NEMF: variants seen among roughly 807,000 people sequenced by gnomAD.
NEMF encodes ribosome quality control complex subunit NEMF.
NEMF carries 89 observed loss-of-function variants against 162.2 expected under a neutral mutation model. The observed-to-expected ratio is 0.55, with a 90% CI of 0.46 to 0.65. NEMF has a LOEUF of 0.65. NEMF is among the 30% of genes least tolerant of loss of function. NEMF has a pLI of 0.00. For synonymous variants in NEMF, 421 were observed against 404.5 expected (o/e 1.04, Z -0.49); for missense variants, 1,133 against 1,261.9 (o/e 0.90, Z 1.55).
chr14:49,837,395 T>C (rs1467414301), intron 6 of NEMF, among the ~76,000 whole-genome samples: 2 of 152,144 alleles, frequency 1.3e-5, no homozygotes, highest in Non-Finnish European at 2.9e-5. Flanking sequence ...CTCACGTCTA[T>C]AATCCCAGCA....
In NEMF at chr14:49,828,609, G is replaced by T; in HGVS notation, c.1424+7C>A. 2.0e-6 allele frequency: 3 copies of T among 1,534,464 alleles called. No homozygotes were observed. Among genetic ancestry groups the T allele is most frequent in the South Asian group, 2.6e-5 (2 of 77,122 alleles). Reference sequence around the variant, plus strand: ...CTTGGCCTAAAATGTAAAGTTAAATGACTTACTTTTTGGCATTGGCATATG... The same window carrying T: ...CTTGGCCTAAAATGTAAAGTTAAATTACTTACTTTTTGGCATTGGCATATG... On this transcript the variant is annotated splice_region_variant and intron_variant, in intron 14 of 32. Transcript: ENST00000298310.
intron 28 of NEMF, among the ~76,000 whole-genome samples, chr14:49,788,196 T>C (rs1011176956): frequency 6.9e-6 from 1 of 145,112 alleles, no homozygotes; most frequent in African/African-American, 2.6e-5. Flanking sequence ...GGATAATTGC[T>C]TGAATCCGGG....
At chr14:49,806,501 C>T (rs1891224602) in intron 18 of NEMF, among the ~76,000 whole-genome samples, 1 of 150,918 alleles carries the variant, frequency 6.6e-6, no homozygotes, top group African/African-American at 2.4e-5. Flanking sequence ...ACCTCATGAT[C>T]CACCCACCTC....
intron 23 of NEMF, 108 bp downstream of exon 23, chr14:49,800,312 A>G (rs1890895641): frequency 2.4e-6 from 2 of 845,266 alleles, no homozygotes; most frequent in East Asian, 5.3e-5. Context: ...TATTAAGACA[A>G]TGGAGTGTAA....
intron 26 of NEMF, among the ~76,000 whole-genome samples, chr14:49,794,836 A>G (rs1890617348): frequency 6.6e-6 from 1 of 150,744 alleles, no homozygotes; most frequent in Admixed American, 6.6e-5. Flanking sequence ...CTTCTGCCTC[A>G]GCCTCTCGAG....
chr14:49,802,111 C>T (rs1274886927), intron 22 of NEMF, among the ~76,000 whole-genome samples: 2 of 151,766 alleles, frequency 1.3e-5, no homozygotes, highest in African/African-American at 4.8e-5. Context: ...GCGCTCACAA[C>T]GCCTGGGTGA....
At position 49,782,165 on chromosome 14, in the gene NEMF, C is replaced by T. The variant is rs1367635202; in HGVS notation, c.*2471G>A. 5 of 523,200 alleles carry T rather than the reference C, an allele frequency of 9.6e-6. No homozygotes were observed. Among genetic ancestry groups the T allele is most frequent in the South Asian group, 9.0e-5 (3 of 33,464 alleles). 32.4% of individuals were successfully genotyped at this position (523,200 alleles called of 1,614,324 possible). On this transcript the variant is annotated 3_prime_UTR_variant, in exon 33 of 33. Coordinates refer to ENST00000298310, the MANE Select transcript of NEMF (RefSeq NM_004713.6). ...TCCTCATTGCATAAATGAGAACGAC[C>T]AGAGAGAGAAAATAATATCCAGATA...
In NEMF at chr14:49,851,875, G is replaced by T; in HGVS notation, c.60C>A (p.Ser20Arg). The change falls in exon 2 of 33, where the codon AGC becomes AGA. Residue 20 changes from serine (S) to arginine (R), a missense_variant and splice_region_variant. Physicochemically the swap from Ser to Arg is moderately radical, Grantham distance 110. Coordinates refer to ENST00000298310, the MANE Select transcript of NEMF (RefSeq NM_004713.6). ...LRAVLAELNA[S>R]LLGMRVNNVY... ...CATTGTTTACTCTCATTCCTAGCAA[G>T]CTGCAAAGATAAAGGAAACATGTAA... 2 of 1,562,454 alleles carry T rather than the reference G, an allele frequency of 1.3e-6. No individual in the cohort carries two copies. Among genetic ancestry groups the T allele is most frequent in the Non-Finnish European group, 1.7e-6 (2 of 1,144,996 alleles).
chr14:49,832,137 T>C lies in NEMF; in HGVS notation c.807-11A>G, dbSNP rs377067632. On this transcript the variant is annotated splice_polypyrimidine_tract_variant and intron_variant, in intron 9 of 32. Coordinates refer to ENST00000298310, the MANE Select transcript of NEMF (RefSeq NM_004713.6). ...TGAAATTCCTCATACCTGTAAAACA[T>C]ATTTATTATATCACATTCGAGAACA... The C allele has an allele frequency of 3.1e-6, 5 of 1,599,432 alleles. No individual in the cohort carries two copies. The highest frequency in any genetic ancestry group is 1.1e-5 in the South Asian group (1 of 88,662).
chr14:49,851,550 G>C lies in NEMF; in HGVS notation c.231+13C>G. On this transcript the variant is annotated intron_variant, in intron 3 of 32. Transcript: ENST00000298310. ...AATCTCTTAAAATTTAGCTTCAAGCGTAACAAGTTTACCTTCATGGCAAAA... is the reference window on the plus strand; with the variant it reads ...AATCTCTTAAAATTTAGCTTCAAGCCTAACAAGTTTACCTTCATGGCAAAA... The C allele has an allele frequency of 6.3e-7, 1 of 1,575,820 alleles. No homozygotes were observed. The highest frequency in any genetic ancestry group is 8.7e-7 in the Non-Finnish European group (1 of 1,146,734).
chr14:49,802,823 G>A (rs1891018834), intron 20 of NEMF, 96 bp from the exon 21 acceptor site: 2 of 814,604 alleles, frequency 2.5e-6, no homozygotes, highest in Admixed American at 2.5e-5. Context: ...GACACTAATG[G>A]TCATATCCAT....
chr14:49,799,918 C>T (rs183482418), intron 23 of NEMF, among the ~76,000 whole-genome samples: 1 of 152,186 alleles, frequency 6.6e-6, no homozygotes, highest in Non-Finnish European at 1.5e-5. Context: ...ATGGTATACA[C>T]GCATGAAACC....
In NEMF at chr14:49,825,941, T is replaced by G; in HGVS notation, c.1503A>C (p.Ala501=). The G allele has an allele frequency of 6.2e-7, 1 of 1,609,748 alleles. No individual in the cohort carries two copies. The highest frequency in any genetic ancestry group is 1.3e-5 in the African/African-American group (1 of 74,938). The change falls in exon 16 of 33, where the codon GCA becomes GCC. Residue 501 remains alanine, a synonymous_variant. Coordinates refer to ENST00000298310, the MANE Select transcript of NEMF (RefSeq NM_004713.6). ...VEAAEKAFKS[A]EKKTKQTLKE... ...TTAATGTTTGCTTTGTTTTCTTTTC[T>G]GCTGACTTGAATGCCTATTTATAGA...
In NEMF at chr14:49,785,078, AC is replaced by A. The variant is rs1890103851; in HGVS notation, c.3073+13del. 2 of 1,607,286 alleles carry A rather than the reference AC, an allele frequency of 1.2e-6. No homozygotes were observed. Among genetic ancestry groups the A allele is most frequent in the Non-Finnish European group, 1.7e-6 (2 of 1,174,116 alleles). The stretch of plus-strand genomic sequence containing the variant: ...CTGTTTAAAATCATAATTCAAAAAA[AC>A]AAATTTAAATACCTTTTCCCTTTTT... On this transcript the variant is annotated intron_variant, in intron 31 of 32. Transcript: ENST00000298310.
chr14:49,840,998 AC>A, intron 4 of NEMF, 132 bp from the exon 5 acceptor site: 1 of 680,244 alleles, frequency 1.5e-6, no homozygotes, highest in Non-Finnish European at 2.4e-6. Context: ...GGACTTTGAG[AC>A]CAGCCTGGCC....
chr14:49,826,062 AT>A (rs1209273180), intron 15 of NEMF, 107 bp from the exon 16 acceptor site: 1 of 642,306 alleles, frequency 1.6e-6, no homozygotes, highest in African/African-American at 1.8e-5. Flanking sequence ...AAATGGCACA[AT>A]CTACACACAC....
In NEMF at chr14:49,784,503, T is replaced by C. The variant is rs1435891999; in HGVS notation, c.*133A>G. On this transcript the variant is annotated 3_prime_UTR_variant, in exon 33 of 33. Transcript: ENST00000298310. ...GGGAAAAAACAAGAAGTAAGTCCTTTTGGTGAATATAGCAAGGCAATGTTT... is the reference window on the plus strand; with the variant it reads ...GGGAAAAAACAAGAAGTAAGTCCTTCTGGTGAATATAGCAAGGCAATGTTT... The C allele has an allele frequency of 2.1e-5, 13 of 623,848 alleles. No homozygotes were observed. Among genetic ancestry groups the C allele is most frequent in the Non-Finnish European group, 3.3e-5 (12 of 358,340 alleles). 38.6% of individuals were successfully genotyped at this position (623,848 alleles called of 1,614,324 possible). A position where few individuals can be genotyped will look rare whatever the true frequency, so the allele number is the denominator to read the frequency against.
Position 49,840,873 on chromosome 14 carries a change from T to TA in NEMF, c.358-8dup, listed in dbSNP as rs569981269. On this transcript the variant is annotated splice_region_variant and splice_polypyrimidine_tract_variant and intron_variant, in intron 4 of 32. Coordinates refer to ENST00000298310, the MANE Select transcript of NEMF (RefSeq NM_004713.6). ...CTGTAAGAACAATGTTCCCCTGCAA[T>TA]AAAATAAAATACAATTTAGCGCTCT... The TA allele has an allele frequency of 2.5e-6, 4 of 1,604,630 alleles. No individual in the cohort carries two copies. In the South Asian group the frequency reaches 4.5e-5, roughly 18 times the overall value.
chr14:49,814,362 CA>C (rs1891624493), intron 17 of NEMF, among the ~76,000 whole-genome samples: 1 of 152,106 alleles, frequency 6.6e-6, no homozygotes, highest in South Asian at 2.1e-4. Context: ...CTCAGCCTCC[CA>C]AAGTGGCTGA....
Sources: gnomAD v4.1 joint callset for allele counts (sites outside exome capture counted in the v4.1 genomes callset) on GRCh38, gnomAD v4.1.1 for gene constraint, MANE v1.5 for transcripts, NCBI Gene and HGNC (gene_info 2026-07-23, HGNC 2026-07-21) for gene names.